The following DYNAP variants were observed in gnomAD, a reference collection of about 807,000 sequenced individuals.
DYNAP encodes dynactin-associated protein.
DYNAP carries 7 observed loss-of-function variants against 8.5 expected under a neutral mutation model. The ratio of observed to expected loss-of-function variants is 0.82; its 90% CI spans 0.47 to 1.54. DYNAP has a LOEUF of 1.54. DYNAP is among the 40% of genes most tolerant of loss of function. The pLI is 0.01. For synonymous variants in DYNAP, 77 were observed against 77.9 expected (o/e 0.99, Z 0.06); for missense variants, 256 against 224.3 (o/e 1.14, Z -0.90).
the DYNAP span, among the ~76,000 whole-genome samples, chr18:54,582,130 C>T: frequency 6.6e-6 from 1 of 152,020 alleles, no homozygotes; most frequent in Non-Finnish European, 1.5e-5. Flanking sequence ...ACTAAAAATA[C>T]AAAAAATTAG....
chr18:54,589,218 G>T (rs955263012), upstream of DYNAP, among the ~76,000 whole-genome samples: 2 of 151,992 alleles, frequency 1.3e-5, no homozygotes, highest in Non-Finnish European at 2.9e-5. Flanking sequence ...TCCCCTTGCC[G>T]CCTTAGAGTG....
chr18:54,578,372 G>A, the DYNAP span, among the ~76,000 whole-genome samples: 1 of 152,172 alleles, frequency 6.6e-6, no homozygotes, highest in African/African-American at 2.4e-5. Context: ...TTTTACTTCT[G>A]ACTGTTAAGG....
chr18:54,577,976 A>AAC, the DYNAP span, among the ~76,000 whole-genome samples: 2 of 151,654 alleles, frequency 1.3e-5, no homozygotes, highest in African/African-American at 4.8e-5. Context: ...AAAAAAAAAA[A>AAC]AAGTGTTACC....
chr18:54,591,392 C>T, intron 1 of DYNAP, 53 bp downstream of exon 1: 1 of 1,548,782 alleles, frequency 6.5e-7, no homozygotes, highest in Non-Finnish European at 8.7e-7. Flanking sequence ...GTTTCATTTT[C>T]AGCATTTAAA....
upstream of DYNAP, among the ~76,000 whole-genome samples, chr18:54,583,921 G>GA (rs139680034): frequency 0.038 from 5,701 of 151,678 alleles, 351 homozygotes; most frequent in African/African-American, 0.13. Context: ...ATACAAGGCA[G>GA]AAAAAAGAGT....
At position 54,598,280 on chromosome 18, in the gene DYNAP, G is replaced by A. The variant is rs774560109; in HGVS notation, c.*135G>A. 49 of 896,402 alleles carry A rather than the reference G, an allele frequency of 5.5e-5. No individual in the cohort carries two copies. Among genetic ancestry groups the A allele is most frequent in the Non-Finnish European group, 7.0e-5 (43 of 616,844 alleles). 55.5% of individuals were successfully genotyped at this position (896,402 alleles called of 1,614,324 possible). On this transcript the variant is annotated 3_prime_UTR_variant, in exon 3 of 3. Coordinates refer to ENST00000648945, the MANE Select transcript of DYNAP (RefSeq NM_173629.3). Reference sequence around the variant, plus strand: ...AGTCACTTTAACAGACTCTATAACCGTTACAACTTCAACAAAATCAAGTCC... The same window carrying A: ...AGTCACTTTAACAGACTCTATAACCATTACAACTTCAACAAAATCAAGTCC...
chr18:54,579,058 C>G, the DYNAP span, among the ~76,000 whole-genome samples: 1 of 152,146 alleles, frequency 6.6e-6, no homozygotes, highest in Non-Finnish European at 1.5e-5. Context: ...CTCGGCCTCC[C>G]AAAGTGCTGG....
chr18:54,584,237 A>T (rs893557517), upstream of DYNAP, among the ~76,000 whole-genome samples: 1 of 149,232 alleles, frequency 6.7e-6, no homozygotes, highest in African/African-American at 2.4e-5. Context: ...AGAAATATTT[A>T]TTAAATATTT....
Position 54,599,087 on chromosome 18 carries a change from T to G in DYNAP, c.*942T>G, listed in dbSNP as rs1387750660. 1 of 152,150 alleles carries G rather than the reference T, an allele frequency of 6.6e-6. No homozygotes were observed. The highest frequency in any genetic ancestry group is 1.5e-5 in the Non-Finnish European group (1 of 68,020). The allele number at this position is 152,150 out of a possible 1,614,324, so 9.4% of individuals were successfully genotyped here. A position where few individuals can be genotyped will look rare whatever the true frequency, so the allele number is the denominator to read the frequency against. On this transcript the variant is annotated 3_prime_UTR_variant, in exon 3 of 3. Coordinates refer to ENST00000648945, the MANE Select transcript of DYNAP (RefSeq NM_173629.3). ...AAGCCAATGTATTTCTTAAATGTAT[T>G]TGATTGATGTCTCATGTCTCCCTAA...
At chr18:54,593,348 C>T (rs1385434489) in intron 1 of DYNAP, among the ~76,000 whole-genome samples, 1 of 152,054 alleles carries the variant, frequency 6.6e-6, no homozygotes, top group African/African-American at 2.4e-5. Flanking sequence ...AACACAAAGA[C>T]AACTAGTGGC....
the DYNAP span, among the ~76,000 whole-genome samples, chr18:54,581,262 A>G: frequency 6.6e-6 from 1 of 152,246 alleles, no homozygotes; most frequent in African/African-American, 2.4e-5. Flanking sequence ...CCTTATAGTC[A>G]CTTAGTTAAA....
rs1328200962 is a variant in DYNAP at position 54,597,915 on chromosome 18, T to C, written c.325T>C (p.Leu109=). 2.5e-6 allele frequency: 4 copies of C among 1,613,674 alleles called. No homozygotes were observed. Among genetic ancestry groups the C allele is most frequent in the Non-Finnish European group, 3.4e-6 (4 of 1,179,752 alleles). Reference sequence around the variant, plus strand: ...AGCAATTGGAGTACTTATAATATGCTTGGTGAATAACAAAGGATCGGCCAA... The same window carrying C: ...AGCAATTGGAGTACTTATAATATGCCTGGTGAATAACAAAGGATCGGCCAA... ...MTAIGVLIIC[L]VNNKGSANSS... The change falls in exon 3 of 3, where the codon TTG becomes CTG. Residue 109 remains leucine, a synonymous_variant. Transcript: ENST00000648945.
At chr18:54,594,125 TG>T (rs1283182331) in intron 1 of DYNAP, among the ~76,000 whole-genome samples, 1 of 152,120 alleles carries the variant, frequency 6.6e-6, no homozygotes, top group African/African-American at 2.4e-5. Flanking sequence ...TTACAATTAT[TG>T]CATTTATTTG....
At chr18:54,591,230 A>G, upstream of DYNAP, 1 of 1,612,570 alleles carries the variant, frequency 6.2e-7, no homozygotes, top group Non-Finnish European at 8.5e-7. Context: ...AAGGGCAATG[A>G]ACAAATTGAA....
the DYNAP span, among the ~76,000 whole-genome samples, chr18:54,579,965 TG>T: frequency 2.6e-5 from 4 of 152,210 alleles, no homozygotes; most frequent in African/African-American, 9.6e-5. Flanking sequence ...TTTGATGTAA[TG>T]AGGTCAATTT....
In DYNAP at chr18:54,599,318, G is replaced by A. The variant is rs1437393889; in HGVS notation, c.*1173G>A. The A allele has an allele frequency of 2.0e-5, 3 of 151,976 alleles. No homozygotes were observed. The highest frequency in any genetic ancestry group is 4.8e-5 in the African/African-American group (2 of 41,394). 9.4% of individuals were successfully genotyped at this position (151,976 alleles called of 1,614,324 possible). A position where few individuals can be genotyped will look rare whatever the true frequency, so the allele number is the denominator to read the frequency against. ...TACCACTTAAAACTTGATAGAACTA[G>A]CATCAGTCATCAAAATAACCTGTTC... is the stretch of plus-strand genomic sequence containing the variant. On this transcript the variant is annotated 3_prime_UTR_variant, in exon 3 of 3. Transcript: ENST00000648945.
intron 1 of DYNAP, among the ~76,000 whole-genome samples, 175 bp from the exon 2 acceptor site, chr18:54,594,764 G>C (rs963753865): frequency 1.4e-4 from 21 of 152,072 alleles, no homozygotes; most frequent in Admixed American, 1.3e-4. Flanking sequence ...ACCAAAATTA[G>C]TTAAAGTATA....
At chr18:54,577,061 A>G in the DYNAP span, among the ~76,000 whole-genome samples, 1 of 152,186 alleles carries the variant, frequency 6.6e-6, no homozygotes, top group East Asian at 1.9e-4. Context: ...AACTCCTACA[A>G]ATGCCTTAAT....
At chr18:54,577,978 A>G in the DYNAP span, among the ~76,000 whole-genome samples, 1 of 150,922 alleles carries the variant, frequency 6.6e-6, no homozygotes, top group East Asian at 1.9e-4. Context: ...AAAAAAAAAA[A>G]GTGTTACCCA....
Sources: gnomAD v4.1 joint callset for allele counts (sites outside exome capture counted in the v4.1 genomes callset) on GRCh38, gnomAD v4.1.1 for gene constraint, MANE v1.5 for transcripts, NCBI Gene and HGNC (gene_info 2026-07-23, HGNC 2026-07-21) for gene names.